The following TRPC5 variants were observed in gnomAD, a reference collection of about 807,000 sequenced individuals.
TRPC5 encodes the protein short transient receptor potential channel 5.
TRPC5 carries 9 observed loss-of-function variants against 56.5 expected under a neutral mutation model. The ratio of observed to expected loss-of-function variants is 0.16; its 90% CI spans 0.10 to 0.28. TRPC5 has a LOEUF of 0.28. TRPC5 is among the 10% of genes least tolerant of loss of function. The pLI is 1.00. For missense variants in TRPC5, 469 were observed against 748.9 expected (o/e 0.63, Z 4.36); for synonymous variants, 282 against 278.5 (o/e 1.01, Z -0.13).
chrX:111,777,194 G>T (rs1428279861), intron 10 of TRPC5, among the ~76,000 whole-genome samples, 192 bp from the exon 11 acceptor site: 1 of 111,318 alleles, frequency 9.0e-6, no homozygotes, highest in Non-Finnish European at 1.9e-5. Flanking sequence ...CTGGCCATTG[G>T]CAAAATTGTA....
intron 3 of TRPC5, chrX:111,903,448 T>C (rs1925458868): frequency 8.9e-6 from 1 of 112,293 alleles, no homozygotes; most frequent in African/African-American, 3.2e-5. Flanking sequence ...AACAAAGCCC[T>C]GTTTTTGTCT....
chrX:111,835,259 C>T (rs892603130), intron 6 of TRPC5, 143 bp from the exon 7 acceptor site: 7 of 470,843 alleles, frequency 1.5e-5, no homozygotes, highest in African/African-American at 2.4e-5. Flanking sequence ...TGGGCTCTTC[C>T]CTAACACAGA....
intron 6 of TRPC5, among the ~76,000 whole-genome samples, chrX:111,838,570 A>G (rs917143646): frequency 8.9e-6 from 1 of 111,854 alleles, no homozygotes; most frequent in Non-Finnish European, 1.9e-5. Flanking sequence ...TCAATTTTAA[A>G]GAGGGATTAT....
chrX:112,009,079 C>T (rs904694095), intron 1 of TRPC5, among the ~76,000 whole-genome samples: 1 of 111,785 alleles, frequency 8.9e-6, no homozygotes, highest in African/African-American at 3.3e-5. Context: ...ACAGGCTTCA[C>T]TGAGGACTGT....
At chrX:111,961,190 T>C (rs1927372897) in intron 1 of TRPC5, among the ~76,000 whole-genome samples, 2 of 112,230 alleles carry the variant, frequency 1.8e-5, no homozygotes, top group Non-Finnish European at 3.8e-5. Flanking sequence ...TTTTTGTAAT[T>C]TTTCTATGTG....
chrX:111,940,536 A>G (rs937335145), intron 2 of TRPC5, among the ~76,000 whole-genome samples: 1 of 109,154 alleles, frequency 9.2e-6, no homozygotes, highest in Admixed American at 9.8e-5. Flanking sequence ...TAAAACTACA[A>G]AAAAATTAGC....
chrX:111,986,115 A>C (rs1170409403), intron 1 of TRPC5, among the ~76,000 whole-genome samples: 1 of 109,481 alleles, frequency 9.1e-6, no homozygotes, highest in Non-Finnish European at 1.9e-5. Context: ...TAAACTTTTG[A>C]ATCTTTCCTC....
At chrX:111,806,656 C>A (rs185993302) in intron 7 of TRPC5, among the ~76,000 whole-genome samples, 4 of 111,700 alleles carry the variant, frequency 3.6e-5, no homozygotes, top group Admixed American at 9.5e-5. Flanking sequence ...GTAAACTTGA[C>A]AAAAATTGTA....
intron 1 of TRPC5, among the ~76,000 whole-genome samples, chrX:112,078,980 G>A (rs1045126004): frequency 1.2e-4 from 13 of 111,749 alleles, no homozygotes; most frequent in Non-Finnish European, 2.4e-4. Context: ...TGTGGGATGA[G>A]GAATAACTTC....
rs769373451 is a variant in TRPC5, at chrX:111,826,270, G to A, written c.1896+8651C>T. ...TACAAGCTTCCTAATGGTATCACCT[G>A]TGTCTTTCCCTTTATACAACTTACA... is the stretch of plus-strand genomic sequence containing the variant. On this transcript the variant is annotated intron_variant, in intron 7 of 10. Coordinates refer to ENST00000262839, the MANE Select transcript of TRPC5 (RefSeq NM_012471.3). 2.7e-5 allele frequency among the ~76,000 whole-genome samples: 3 copies of A among 112,261 alleles called. No individual in the cohort carries two copies. In the East Asian group the frequency reaches 8.5e-4, roughly 32 times the overall value.
intron 1 of TRPC5, among the ~76,000 whole-genome samples, chrX:112,051,996 A>G (rs945568135): frequency 1.8e-5 from 2 of 111,785 alleles, no homozygotes; most frequent in South Asian, 7.5e-4. Flanking sequence ...TTGTATGTAT[A>G]TGTCACATTT....
intron 1 of TRPC5, among the ~76,000 whole-genome samples, chrX:111,992,959 T>A (rs1250619281): frequency 2.7e-5 from 3 of 110,675 alleles, no homozygotes; most frequent in Non-Finnish European, 5.7e-5. Context: ...CGTGCAGGTT[T>A]GATACATAGG....
intron 3 of TRPC5, among the ~76,000 whole-genome samples, chrX:111,856,456 T>C (rs935372886): frequency 9.3e-6 from 1 of 107,524 alleles, no homozygotes; most frequent in African/African-American, 3.4e-5. Flanking sequence ...AGAGAATCGC[T>C]TGAACCCAGG....
rs770048046 is a variant in TRPC5, at chrX:111,800,904, G to A, written c.1897-18766C>T. The stretch of plus-strand genomic sequence containing the variant: ...GTTATAAGCAGATTATTGACTACAT[G>A]AAGGATCAGCACCCCTAACCTGTGC... On this transcript the variant is annotated intron_variant, in intron 7 of 10. Transcript: ENST00000262839. Among the ~76,000 whole-genome samples the A allele has an allele frequency of 2.7e-5, 3 of 111,441 alleles. No homozygotes were observed. In the East Asian group the frequency reaches 8.4e-4, roughly 31 times the overall value.
chrX:112,060,948 G>A (rs1055960522), intron 1 of TRPC5, among the ~76,000 whole-genome samples: 22 of 112,178 alleles, frequency 2.0e-4, no homozygotes, highest in African/African-American at 6.8e-4. Flanking sequence ...AGATGAAAAT[G>A]CCTCCTGGCT....
chrX:111,789,934 A>G (rs1265588621), intron 7 of TRPC5, among the ~76,000 whole-genome samples: 2 of 112,255 alleles, frequency 1.8e-5, no homozygotes, highest in African/African-American at 6.5e-5. Context: ...GATGTGGAGA[A>G]ATAGGAACAC....
Position 111,971,912 on chromosome X carries a change from A to AAAT in TRPC5, c.-21-19474_-21-19472dup, listed in dbSNP as rs1402739278. 3.6e-5 allele frequency among the ~76,000 whole-genome samples: 4 copies of AAAT among 111,831 alleles called. No individual in the cohort carries two copies. The East Asian group carries it at 1.1e-3, about 32-fold the overall frequency. On this transcript the variant is annotated intron_variant, in intron 1 of 10. Coordinates refer to ENST00000262839, the MANE Select transcript of TRPC5 (RefSeq NM_012471.3). The stretch of plus-strand genomic sequence containing the variant: ...TTCGATATGTGCTGAGCCCCCATGT[A>AAAT]AATAAAGGAGCACACTAACACATAT...
At chrX:111,884,248 T>C (rs1339050618) in intron 3 of TRPC5, among the ~76,000 whole-genome samples, 1 of 112,649 alleles carries the variant, frequency 8.9e-6, no homozygotes, top group African/African-American at 3.2e-5. Flanking sequence ...ACTATTCATG[T>C]CCTAAGCCTA....
intron 1 of TRPC5, among the ~76,000 whole-genome samples, chrX:112,065,091 A>C (rs761117707): frequency 9.0e-6 from 1 of 110,700 alleles, no homozygotes; most frequent in East Asian, 2.8e-4. Flanking sequence ...AAAAAAAAAA[A>C]AACAAAAAGG....
Sources: allele counts gnomAD v4.1 joint callset (sites outside exome capture counted in the v4.1 genomes callset), GRCh38; gene constraint gnomAD v4.1.1; transcripts MANE v1.5; gene names NCBI Gene and HGNC (gene_info 2026-07-23, HGNC 2026-07-21).